Variants in NAPB observed in about 807,000 individuals in gnomAD.
The protein encoded by NAPB is NSF attachment protein beta.
A neutral mutation model predicts 44.7 loss-of-function variants in NAPB; 26 were observed. The observed-to-expected ratio is 0.58, with a 90% CI of 0.43 to 0.81. The LOEUF is 0.81. NAPB is among the 30% of genes least tolerant of loss of function. The probability of loss-of-function intolerance (pLI) is 0.00; values close to 1 mark genes in which losing one functional copy is unlikely to be tolerated. For synonymous variants in NAPB, 120 were observed against 116.8 expected, an observed-to-expected ratio of 1.03 and a Z score of -0.18; for missense variants, 315 against 356.4, an observed-to-expected ratio of 0.88 and a Z score of 0.94.
intron 10 of NAPB, among the ~76,000 whole-genome samples, chr20:23,378,080 G>A (rs1982664927): frequency 6.6e-6 from 1 of 151,714 alleles, no homozygotes; most frequent in Non-Finnish European, 1.5e-5. Flanking sequence ...GGAGGCCAAG[G>A]CAGGTGGATA....
intron 1 of NAPB, among the ~76,000 whole-genome samples, chr20:23,416,629 A>C (rs1986023868): frequency 6.6e-6 from 1 of 152,126 alleles, no homozygotes; most frequent in African/African-American, 2.4e-5. Flanking sequence ...TTCAATTTAT[A>C]ATCGATTTCT....
intron 10 of NAPB, among the ~76,000 whole-genome samples, chr20:23,377,957 A>G (rs1982651242): frequency 6.6e-6 from 1 of 152,158 alleles, no homozygotes; most frequent in Non-Finnish European, 1.5e-5. Context: ...CAGACAGGAA[A>G]ACATTCCTTT....
intron 2 of NAPB, among the ~76,000 whole-genome samples, chr20:23,401,038 G>C (rs1008334594): frequency 2.0e-5 from 3 of 152,096 alleles, no homozygotes; most frequent in Non-Finnish European, 2.9e-5. Flanking sequence ...AAAAGGGGTG[G>C]CCAGAGAAGA....
At chr20:23,392,141 G>A (rs1984004554) in intron 5 of NAPB, among the ~76,000 whole-genome samples, 1 of 152,228 alleles carries the variant, frequency 6.6e-6, no homozygotes, top group Non-Finnish European at 1.5e-5. Flanking sequence ...CTGTGATGGT[G>A]AGCGGAACAG....
intron 1 of NAPB, among the ~76,000 whole-genome samples, chr20:23,420,859 T>TG: frequency 6.7e-6 from 1 of 149,952 alleles, no homozygotes; most frequent in East Asian, 2.0e-4. Context: ...TGGGGAGCTC[T>TG]GGGGGTCCTA....
At position 23,394,960 on chromosome 20, in the gene NAPB, C is replaced by A; in HGVS notation, c.382G>T (p.Ala128Ser). The change falls in exon 5 of 11, where the codon GCA becomes TCA. Residue 128 changes from alanine to serine, a missense_variant. By Grantham distance (99) the Ala-to-Ser change is moderately conservative (BLOSUM62 1). Around this residue, in one of 3 missense-constraint regions of NAPB, gnomAD observed 179 missense variants for 182.5 expected, o/e 0.98. Coordinates refer to ENST00000377026, the MANE Select transcript of NAPB (RefSeq NM_022080.3). ...TIAAKHHITI[A>S]EIYETELVDI... ...ACAAGTTCAGTCTCATAGATCTCTGCAATAGTAATGTGGTGCTTGGCTGCA... is the reference window on the plus strand; with the variant it reads ...ACAAGTTCAGTCTCATAGATCTCTGAAATAGTAATGTGGTGCTTGGCTGCA... The A allele has an allele frequency of 6.2e-7, 1 of 1,614,158 alleles. No individual in the cohort carries two copies. The highest frequency in any genetic ancestry group is 8.5e-7 in the Non-Finnish European group (1 of 1,180,020).
intron 5 of NAPB, among the ~76,000 whole-genome samples, chr20:23,392,832 T>TC (rs975600048): frequency 1.3e-4 from 19 of 151,742 alleles, no homozygotes; most frequent in Admixed American, 6.6e-5. Flanking sequence ...CTTTTTTTTT[T>TC]CAAGAGAAAA....
chr20:23,385,214 A>G (rs1326081986), intron 7 of NAPB, among the ~76,000 whole-genome samples: 3 of 152,198 alleles, frequency 2.0e-5, no homozygotes, highest in East Asian at 1.9e-4. Flanking sequence ...ATGGACAAAC[A>G]TATCATATAA....
At chr20:23,385,577 T>C (rs1241562312) in intron 7 of NAPB, among the ~76,000 whole-genome samples, 4 of 152,070 alleles carry the variant, frequency 2.6e-5, no homozygotes, top group South Asian at 2.1e-4. Context: ...CTAGCCAACA[T>C]GGCACACACC....
Position 23,389,925 on chromosome 20 carries a change from A to C in NAPB, c.561+21T>G, listed in dbSNP as rs765605080. ...AAATTATTCAGACAACTTCTCTCCA[A>C]GGAAACAACAGTATCCTCACCTGCT... On this transcript the variant is annotated intron_variant, in intron 7 of 10. Transcript: ENST00000377026. 4 of 1,595,486 alleles carry C rather than the reference A, an allele frequency of 2.5e-6. No homozygotes were observed. The African/African-American group carries it at 4.1e-5, about 16-fold the overall frequency.
chr20:23,411,638 TA>T (rs35311017), intron 1 of NAPB, among the ~76,000 whole-genome samples: 18 of 150,908 alleles, frequency 1.2e-4, no homozygotes, highest in Non-Finnish European at 2.2e-4. Context: ...ACAAACAGCT[TA>T]AAAAAAAAGG....
intron 9 of NAPB, 22 bp downstream of exon 9, chr20:23,379,845 T>G (rs1284849534): frequency 5.1e-6 from 8 of 1,581,570 alleles, no homozygotes; most frequent in Non-Finnish European, 6.9e-6. Context: ...GCATTTTTCT[T>G]CAAAGTTCTA....
chr20:23,416,929 T>C (rs904268797), intron 1 of NAPB, among the ~76,000 whole-genome samples: 2 of 152,210 alleles, frequency 1.3e-5, no homozygotes, highest in East Asian at 1.9e-4. Flanking sequence ...CAACAAATTA[T>C]AGATTCATAA....
chr20:23,390,853 T>TA (rs753308848), intron 5 of NAPB, among the ~76,000 whole-genome samples: 8 of 152,202 alleles, frequency 5.3e-5, no homozygotes, highest in Non-Finnish European at 1.0e-4. Flanking sequence ...CAGCACAGAC[T>TA]ACACACACTA....
rs1283250407 is a variant in NAPB, at chr20:23,375,977, G to A, written c.*1399C>T. ...CAACCTGCAGTCGACCCTTGGCCTG[G>A]AAACACTACCAATTCCAGTTGAGAG... On this transcript the variant is annotated 3_prime_UTR_variant, in exon 11 of 11. Coordinates refer to ENST00000377026, the MANE Select transcript of NAPB (RefSeq NM_022080.3). 6.6e-6 allele frequency: 1 copy of A among 152,158 alleles called. No individual in the cohort carries two copies. Among genetic ancestry groups the A allele is most frequent in the Non-Finnish European group, 1.5e-5 (1 of 68,054 alleles). The allele number at this position is 152,158 out of a possible 1,614,324, so 9.4% of individuals were successfully genotyped here. A position where few individuals can be genotyped will look rare whatever the true frequency, so the allele number is the denominator to read the frequency against.
intron 8 of NAPB, 167 bp downstream of exon 8, chr20:23,381,046 T>C: frequency 1.7e-6 from 1 of 572,956 alleles, no homozygotes; most frequent in Non-Finnish European, 3.1e-6. Flanking sequence ...CTTTGACAGC[T>C]GTTAAAAGAT....
At chr20:23,384,045 G>A (rs996165545) in intron 7 of NAPB, among the ~76,000 whole-genome samples, 2 of 152,192 alleles carry the variant, frequency 1.3e-5, no homozygotes, top group African/African-American at 2.4e-5. Flanking sequence ...GGTTTAAACT[G>A]TGTGAATCCA....
chr20:23,402,889 T>G, intron 2 of NAPB, 104 bp downstream of exon 2: 1 of 830,548 alleles, frequency 1.2e-6, no homozygotes, highest in South Asian at 1.6e-5. Flanking sequence ...GACATCTGTC[T>G]CTGGGGCCAA....
intron 7 of NAPB, among the ~76,000 whole-genome samples, chr20:23,381,537 G>T (rs1983004833): frequency 6.6e-6 from 1 of 152,148 alleles, no homozygotes; most frequent in Non-Finnish European, 1.5e-5. Flanking sequence ...GAAGAATTCT[G>T]CTTCCAATAA....
Sources: allele counts gnomAD v4.1 joint callset (sites outside exome capture counted in the v4.1 genomes callset), GRCh38; gene constraint gnomAD v4.1.1; regional missense constraint gnomAD v4.1.1; transcripts MANE v1.5; gene names NCBI Gene and HGNC (gene_info 2026-07-23, HGNC 2026-07-21).